Variants in TYW1B observed in about 807,000 individuals in gnomAD.
TYW1B encodes the protein S-adenosyl-L-methionine-dependent tRNA 4-demethylwyosine synthase TYW1B.
In TYW1B, 73 loss-of-function variants were observed where a neutral mutation model predicts 86.9. That is an observed-to-expected ratio of 0.84 (90% confidence interval 0.70 to 1.02). The LOEUF (loss-of-function observed/expected upper bound fraction) is 1.02, where lower values mean the gene tolerates loss of function less well. Ranked by LOEUF, TYW1B falls within the 50% of genes least tolerant of loss-of-function variation. The pLI is 0.00. For missense variants in TYW1B, 637 were observed against 827.4 expected, an observed-to-expected ratio of 0.77 and a Z score of 2.82; for synonymous variants, 248 against 292.8, an observed-to-expected ratio of 0.85 and a Z score of 1.56.
intron 7 of TYW1B, among the ~76,000 whole-genome samples, chr7:72,753,637 C>T (rs1044368340): frequency 3.3e-5 from 5 of 151,866 alleles, no homozygotes; most frequent in Non-Finnish European, 4.4e-5. Flanking sequence ...TGTGCCACCA[C>T]GCCTGGCTAA....
intron 10 of TYW1B, among the ~76,000 whole-genome samples, chr7:72,701,364 A>G (rs1381767883): frequency 2.0e-5 from 3 of 151,786 alleles, no homozygotes; most frequent in Non-Finnish European, 4.4e-5. Flanking sequence ...CCTGAGCTCA[A>G]GCAACCCTCC....
rs375157547 is a variant in TYW1B, at chr7:72,689,960, T to G, written c.1506+4727A>C. ...TATTTAAATATTAGATAGAGGGCTA[T>G]CTCATTAATGTACAATAAGCCCTTC... On this transcript the variant is annotated intron_variant, in intron 11 of 13. Transcript: ENST00000620995. Among the ~76,000 whole-genome samples the G allele has an allele frequency of 7.2e-5, 11 of 152,346 alleles. 1 individual carries two copies. The South Asian group carries it at 2.1e-3, about 29-fold the overall frequency.
rs782767889 is a variant in TYW1B, at chr7:72,713,697, T to G, written c.1294A>C (p.Arg432=). 4.6e-5 allele frequency: 74 copies of G among 1,613,830 alleles called. No individual in the cohort carries two copies. Among genetic ancestry groups the G allele is most frequent in the Non-Finnish European group, 5.6e-5 (66 of 1,179,988 alleles). ...CACTGGTGGAGTAGCTTCAAAAACCTGTTGATCTCTGGGTACATTATTGGT... is the reference window on the plus strand; with the variant it reads ...CACTGGTGGAGTAGCTTCAAAAACCGGTTGATCTCTGGGTACATTATTGGT... The part of the protein sequence containing the change: ...GEPIMYPEIN[R]FLKLLHQCKI... Residue 432 remains arginine, a synonymous_variant, in exon 10 of 14, where the codon AGG becomes CGG. Transcript: ENST00000620995.
intron 10 of TYW1B, among the ~76,000 whole-genome samples, chr7:72,709,951 C>T (rs1278706095): frequency 1.3e-5 from 2 of 152,150 alleles, no homozygotes; most frequent in Non-Finnish European, 2.9e-5. Flanking sequence ...AAGGCTAGTA[C>T]GAACATCTTG....
chr7:72,594,995 T>G (rs1554432313), intron 13 of TYW1B, among the ~76,000 whole-genome samples: 1 of 152,128 alleles, frequency 6.6e-6, no homozygotes, highest in East Asian at 1.9e-4. Context: ...TATCTTAACG[T>G]AATAAAAGCC....
chr7:72,798,579 A>G lies in TYW1B; in HGVS notation c.846+3821T>C, dbSNP rs1225799181. ...TTTGCTATGTATGCTGCAATGCATA[A>G]GCCTGTGGAAATGCTGTTTTGCATT... On this transcript the variant is annotated intron_variant, in intron 6 of 13. Transcript: ENST00000620995. 2.6e-5 allele frequency among the ~76,000 whole-genome samples: 4 copies of G among 152,268 alleles called. No individual in the cohort carries two copies. The East Asian group carries it at 7.7e-4, about 29-fold the overall frequency.
At chr7:72,610,638 G>A (rs1253041327) in intron 13 of TYW1B, among the ~76,000 whole-genome samples, 3 of 152,148 alleles carry the variant, frequency 2.0e-5, no homozygotes, top group Non-Finnish European at 4.4e-5. Flanking sequence ...TGTTGTTGTT[G>A]TTGTTGTTGT....
At chr7:72,771,294 G>A (rs1787864321) in intron 7 of TYW1B, among the ~76,000 whole-genome samples, 1 of 152,070 alleles carries the variant, frequency 6.6e-6, no homozygotes, top group East Asian at 1.9e-4. Context: ...GCAAAACTAA[G>A]TAACAGTAAT....
At chr7:72,652,604 G>T (rs1813091444) in intron 11 of TYW1B, among the ~76,000 whole-genome samples, 1 of 152,008 alleles carries the variant, frequency 6.6e-6, no homozygotes, top group African/African-American at 2.4e-5. Context: ...AATGCCTTTG[G>T]AGTGCTAGTT....
intron 6 of TYW1B, among the ~76,000 whole-genome samples, chr7:72,798,172 G>A (rs1331139550): frequency 6.6e-6 from 1 of 152,068 alleles, no homozygotes; most frequent in Non-Finnish European, 1.5e-5. Context: ...GGGAGGCCGA[G>A]GCGGGCAGAT....
chr7:72,632,464 T>C (rs62465956), intron 11 of TYW1B, among the ~76,000 whole-genome samples: 9 of 112,958 alleles, frequency 8.0e-5, no homozygotes, highest in Non-Finnish European at 1.4e-4. Flanking sequence ...TATATATACA[T>C]ATATATATAA....
At chr7:72,797,851 ATAG>A (rs1273584535) in intron 6 of TYW1B, among the ~76,000 whole-genome samples, 7 of 152,174 alleles carry the variant, frequency 4.6e-5, no homozygotes, top group African/African-American at 1.7e-4. Context: ...GCAGTCTTCT[ATAG>A]GACTCTGCCC....
At chr7:72,655,230 C>G (rs1813170482) in intron 11 of TYW1B, among the ~76,000 whole-genome samples, 1 of 152,030 alleles carries the variant, frequency 6.6e-6, no homozygotes, top group Non-Finnish European at 1.5e-5. Flanking sequence ...AGTGAGAGGT[C>G]CCCAGTGGCC....
rs782591921 is a variant in TYW1B at position 72,616,677 on chromosome 7, T to C, written c.1780A>G (p.Arg594Gly). The C allele has an allele frequency of 6.2e-7, 1 of 1,614,116 alleles. No individual in the cohort carries two copies. Among genetic ancestry groups the C allele is most frequent in the Non-Finnish European group, 8.5e-7 (1 of 1,179,946 alleles). Residue 594 changes from arginine (R) to glycine (G), a missense_variant, in exon 13 of 14, where the codon AGA (arginine) becomes GGA (glycine). By Grantham distance (125) the Arg-to-Gly change is moderately radical. Transcript: ENST00000620995. Reference protein sequence around the residue: ...EHSNCLLIAHRKFKIGGEWWT... With the variant: ...EHSNCLLIAHGKFKIGGEWWT... ...CATGTTTGAGTTATTCTTACCTTTC[T>C]GTGTGCTATCAGGAGGCAATTAGAG...
At chr7:72,592,400 C>G (rs1477614653) in intron 13 of TYW1B, among the ~76,000 whole-genome samples, 1 of 152,086 alleles carries the variant, frequency 6.6e-6, no homozygotes, top group Non-Finnish European at 1.5e-5. Context: ...GCTACAGCAT[C>G]TACACAAAAG....
chr7:72,602,864 ACAC>A (rs1554434044), intron 13 of TYW1B, among the ~76,000 whole-genome samples: 1 of 151,598 alleles, frequency 6.6e-6, no homozygotes, highest in Non-Finnish European at 1.5e-5. Context: ...ACACACACAC[ACAC>A]ACACACACAC....
chr7:72,763,566 G>A (rs1161082213), intron 7 of TYW1B, among the ~76,000 whole-genome samples: 2 of 152,168 alleles, frequency 1.3e-5, no homozygotes, highest in Non-Finnish European at 2.9e-5. Flanking sequence ...ACAGGCGTAA[G>A]CCACCACACC....
At chr7:72,617,187 T>C (rs1395135764) in intron 12 of TYW1B, among the ~76,000 whole-genome samples, 1 of 152,204 alleles carries the variant, frequency 6.6e-6, no homozygotes. Flanking sequence ...TGAGGAATTA[T>C]GAAGGGGTTA....
intron 7 of TYW1B, among the ~76,000 whole-genome samples, chr7:72,775,027 C>A (rs373585045): frequency 2.6e-5 from 4 of 152,000 alleles, no homozygotes; most frequent in East Asian, 1.9e-4. Context: ...GTTGAAAAAC[C>A]TATTATATAG....
Sources: gnomAD v4.1 joint callset for allele counts (sites outside exome capture counted in the v4.1 genomes callset) on GRCh38, gnomAD v4.1.1 for gene constraint, MANE v1.5 for transcripts, NCBI Gene and HGNC (gene_info 2026-07-23, HGNC 2026-07-21) for gene names.